The following PPIP5K2 variants were observed in gnomAD, a reference collection of about 807,000 sequenced individuals.
PPIP5K2 encodes diphosphoinositol pentakisphosphate kinase 2, also known as inositol hexakisphosphate and diphosphoinositol-pentakisphosphate kinase 2.
Under a neutral mutation model 154.6 loss-of-function variants are expected in PPIP5K2, and 105 were observed. The observed-to-expected ratio is 0.68, with a 90% CI of 0.58 to 0.80. The LOEUF is 0.80. PPIP5K2 is among the 30% of genes least tolerant of loss of function. The probability of loss-of-function intolerance (pLI) is 0.00; values close to 1 mark genes in which losing one functional copy is unlikely to be tolerated. For synonymous variants in PPIP5K2, 480 were observed against 490.3 expected (o/e 0.98, Z 0.28); for missense variants, 992 against 1,504.6 (o/e 0.66, Z 5.64).
chr5:103,188,529 T>G (rs1800742192), intron 28 of PPIP5K2: 1 of 152,172 alleles, frequency 6.6e-6, no homozygotes, highest in African/African-American at 2.4e-5. Flanking sequence ...TTAATGTGCT[T>G]TCCCTTCATT....
chr5:103,148,139 T>C lies in PPIP5K2; in HGVS notation c.744+107T>C, dbSNP rs1415840516. The C allele has an allele frequency of 7.4e-6, 6 of 813,334 alleles. No individual in the cohort carries two copies. The African/African-American group carries it at 8.7e-5, about 12-fold the overall frequency. The allele number at this position is 813,334 out of a possible 1,614,324, so 50.4% of individuals were successfully genotyped here. ...ATCTAACCTTTATTCTGGATCTCTT[T>C]CTTTTTGATTAGGGATTCCTCATGT... On this transcript the variant is annotated intron_variant, in intron 7 of 30. Transcript: ENST00000358359.
intron 16 of PPIP5K2, among the ~76,000 whole-genome samples, chr5:103,158,922 C>T (rs977868459): frequency 6.6e-6 from 1 of 151,730 alleles, no homozygotes; most frequent in African/African-American, 2.4e-5. Flanking sequence ...GTGTCAGACC[C>T]TTGTCTCAAA....
intron 16 of PPIP5K2, 107 bp downstream of exon 16, chr5:103,158,680 G>A: frequency 1.1e-6 from 1 of 898,858 alleles, no homozygotes. Context: ...CTAGCACTTT[G>A]GGAGGCTGAG....
At chr5:103,178,182 T>A (rs1798994499) in intron 23 of PPIP5K2, among the ~76,000 whole-genome samples, 1 of 152,042 alleles carries the variant, frequency 6.6e-6, no homozygotes. Context: ...ATCTTTTGTT[T>A]AGATTGTTTG....
At chr5:103,132,072 GA>G (rs1554202808) in intron 2 of PPIP5K2, among the ~76,000 whole-genome samples, 14 of 152,124 alleles carry the variant, frequency 9.2e-5, no homozygotes, top group Non-Finnish European at 1.9e-4. Context: ...TTTTGATCAG[GA>G]AAGCATTGAA....
intron 1 of PPIP5K2, among the ~76,000 whole-genome samples, chr5:103,124,002 C>T (rs116076121): frequency 0.036 from 5,543 of 152,132 alleles, 337 homozygotes; most frequent in African/African-American, 0.13. Context: ...TCATCTTGGC[C>T]GGGCGCGGTG....
chr5:103,190,964 C>T lies in PPIP5K2; in HGVS notation c.3475C>T (p.Arg1159Trp), dbSNP rs571110489. ...SIASPSSDVP[R>W]KTAEISSTAL... ...TGCTTCTCCATCATCTGACGTTCCA[C>T]GGAAGACCGCTGAAATTTGTAGGAA... Residue 1159 changes from arginine to tryptophan, a missense_variant, in exon 29 of 31, where the codon CGG (arginine) becomes TGG (tryptophan). Physicochemically the swap from Arg to Trp is moderately radical, Grantham distance 101. Transcript: ENST00000358359. The T allele has an allele frequency of 8.0e-5, 128 of 1,604,014 alleles. No homozygotes were observed. The highest frequency in any genetic ancestry group is 1.7e-4 in the Middle Eastern group (1 of 6,000).
intron 5 of PPIP5K2, among the ~76,000 whole-genome samples, chr5:103,145,523 T>C (rs781842012): frequency 2.0e-4 from 30 of 151,988 alleles, no homozygotes; most frequent in Non-Finnish European, 3.8e-4. Context: ...ATAAAGAAAA[T>C]GTGGTACCTA....
Position 103,160,655 on chromosome 5 carries a change from A to G in PPIP5K2, c.1920+1327A>G, listed in dbSNP as rs112713677. On this transcript the variant is annotated intron_variant, in intron 17 of 30. Transcript: ENST00000358359. The stretch of plus-strand genomic sequence containing the variant: ...TCTTTTAACTGCCTTTTAAGCATGT[A>G]AAAACCATTCTTAGCTCATGGCCTG... Among the ~76,000 whole-genome samples the G allele has an allele frequency of 9.4e-3, 1,431 of 152,346 alleles. 10 individuals are homozygous for G. Among genetic ancestry groups the G allele is most frequent in the Non-Finnish European group, 0.014 (966 of 68,028 alleles).
In PPIP5K2 at chr5:103,208,854, A is replaced by G. The variant is rs1222881438; in HGVS notation, c.*7220A>G. 3 of 152,004 alleles carry G rather than the reference A, an allele frequency of 2.0e-5. No individual in the cohort carries two copies. Among genetic ancestry groups the G allele is most frequent in the Non-Finnish European group, 4.4e-5 (3 of 67,996 alleles). 9.4% of individuals were successfully genotyped at this position (152,004 alleles called of 1,614,324 possible). A position where few individuals can be genotyped will look rare whatever the true frequency, so the allele number is the denominator to read the frequency against. ...TGGGGTTGAGGTTAAAGTGTCTTCT[A>G]GTTTTGTTGAAGATAGTTTATGTTT... On this transcript the variant is annotated 3_prime_UTR_variant, in exon 31 of 31. Coordinates refer to ENST00000358359, the MANE Select transcript of PPIP5K2 (RefSeq NM_001276277.3).
chr5:103,132,545 C>T (rs549025180), intron 2 of PPIP5K2, among the ~76,000 whole-genome samples: 3 of 138,096 alleles, frequency 2.2e-5, no homozygotes, highest in Non-Finnish European at 4.7e-5. Context: ...GACTTTGTCT[C>T]AAAAAAAAAA....
At chr5:103,181,196 G>A (rs1799481543) in intron 24 of PPIP5K2, among the ~76,000 whole-genome samples, 1 of 151,942 alleles carries the variant, frequency 6.6e-6, no homozygotes, top group African/African-American at 2.4e-5. Context: ...GGTTATCTCT[G>A]TTTTCTGTAG....
At chr5:103,134,440 G>A (rs1791132873) in intron 3 of PPIP5K2, among the ~76,000 whole-genome samples, 1 of 152,106 alleles carries the variant, frequency 6.6e-6, no homozygotes, top group Non-Finnish European at 1.5e-5. Context: ...ACCAAAATAT[G>A]TTCTCCTGAG....
intron 7 of PPIP5K2, 55 bp downstream of exon 7, chr5:103,148,087 C>A: frequency 8.2e-7 from 1 of 1,224,606 alleles, no homozygotes; most frequent in Non-Finnish European, 1.2e-6. Context: ...CCAATGATAT[C>A]AGAAAAAGTA....
intron 5 of PPIP5K2, among the ~76,000 whole-genome samples, chr5:103,140,718 T>A (rs797039658): frequency 1.1e-4 from 17 of 150,784 alleles, no homozygotes; most frequent in African/African-American, 3.9e-4. Context: ...GCGCCTGTAG[T>A]CCCAGCTACT....
chr5:103,151,478 A>G, intron 9 of PPIP5K2, 104 bp downstream of exon 9: 1 of 945,800 alleles, frequency 1.1e-6, no homozygotes, highest in Non-Finnish European at 1.6e-6. Flanking sequence ...TTCTAGAGTA[A>G]AGATCAGTGT....
intron 29 of PPIP5K2, among the ~76,000 whole-genome samples, chr5:103,193,794 T>C (rs1801639871): frequency 6.6e-6 from 1 of 152,174 alleles, no homozygotes. Context: ...TTCAAAAGCA[T>C]GCTGCCTCTC....
intron 24 of PPIP5K2, among the ~76,000 whole-genome samples, chr5:103,182,365 ATACT>A (rs1554223182): frequency 6.6e-6 from 1 of 152,210 alleles, no homozygotes; most frequent in Non-Finnish European, 1.5e-5. Context: ...TTTCTCATAA[ATACT>A]TAGTTGATTT....
Position 103,173,886 on chromosome 5 carries a change from C to T in PPIP5K2, c.2443C>T (p.Arg815Cys). The T allele has an allele frequency of 6.2e-7, 1 of 1,606,128 alleles. No individual in the cohort carries two copies. The highest frequency in any genetic ancestry group is 8.5e-7 in the Non-Finnish European group (1 of 1,173,876). Residue 815 changes from arginine to cysteine, a missense_variant, in exon 21 of 31, where the codon CGT (arginine) becomes TGT (cysteine). Coordinates refer to ENST00000358359, the MANE Select transcript of PPIP5K2 (RefSeq NM_001276277.3). ...TTCTAGAGGTGTTCTGTCTCCTGAA[C>T]GTCATGTTCGTACTAGATTATATTT... The part of the protein sequence containing the change: ...VYSRGVLSPE[R>C]HVRTRLYFTS...
Sources: allele counts gnomAD v4.1 joint callset (sites outside exome capture counted in the v4.1 genomes callset), GRCh38; gene constraint gnomAD v4.1.1; transcripts MANE v1.5; gene names NCBI Gene and HGNC (gene_info 2026-07-23, HGNC 2026-07-21).